OR51B5: variants seen among roughly 807,000 people sequenced by gnomAD.
OR51B5 encodes the protein olfactory receptor family 51 subfamily B member 5, also known as olfactory receptor 51B5.
For missense variants in OR51B5, 456 were observed against 374.6 expected (o/e 1.22, Z -1.79); for synonymous variants, 186 against 144.8 (o/e 1.28, Z -2.04).
At chr11:5,358,350 GAA>G (rs1849226614) in intron 1 of OR51B5, among the ~76,000 whole-genome samples, 1 of 152,128 alleles carries the variant, frequency 6.6e-6, no homozygotes, top group Non-Finnish European at 1.5e-5. Flanking sequence ...CACCATCAGA[GAA>G]TACTATAAAC....
chr11:5,387,751 C>A (rs1849721160), intron 1 of OR51B5, among the ~76,000 whole-genome samples: 1 of 150,612 alleles, frequency 6.6e-6, no homozygotes, highest in East Asian at 1.9e-4. Context: ...CCTAAGATAG[C>A]CACACACTTG....
At chr11:5,489,458 T>C (rs7101919) in intron 1 of OR51B5, 476,763 of 1,613,794 alleles carry the variant, frequency 0.3, 75,055 homozygotes, top group Non-Finnish European at 0.33. Flanking sequence ...ATTGGCATCA[T>C]CCTGGTTTTC....
intron 1 of OR51B5, among the ~76,000 whole-genome samples, chr11:5,474,851 A>G (rs146700989): frequency 1.7e-3 from 257 of 152,294 alleles, no homozygotes; most frequent in African/African-American, 6.1e-3. Flanking sequence ...CTAAACAAAT[A>G]ATTACATGCA....
At chr11:5,497,880 A>T (rs1851671933) in intron 1 of OR51B5, among the ~76,000 whole-genome samples, 1 of 152,174 alleles carries the variant, frequency 6.6e-6, no homozygotes, top group Non-Finnish European at 1.5e-5. Context: ...CCAGGAGCAT[A>T]GGTATGACAT....
At chr11:5,349,072 C>T (rs1849036199) in intron 1 of OR51B5, among the ~76,000 whole-genome samples, 1 of 152,132 alleles carries the variant, frequency 6.6e-6, no homozygotes, top group African/African-American at 2.4e-5. Context: ...ATTAGTTTCT[C>T]ATTAATAAAA....
intron 1 of OR51B5, among the ~76,000 whole-genome samples, chr11:5,424,352 ACAAAAAAC>A (rs990766476): frequency 1.6e-4 from 24 of 151,426 alleles, no homozygotes; most frequent in African/African-American, 5.3e-4. Flanking sequence ...AAACAAACAA[ACAAAAAAC>A]AAACAAACAA....
exon 1 of OR51B5, chr11:5,343,117 A>G: frequency 6.2e-7 from 1 of 1,613,478 alleles, no homozygotes; most frequent in Non-Finnish European, 8.5e-7. Context: ...CTACTCGAGT[A>G]TTAGTAAGTA....
At chr11:5,441,165 A>G (rs1256943929) in intron 1 of OR51B5, 20 of 1,613,942 alleles carry the variant, frequency 1.2e-5, no homozygotes, top group East Asian at 4.5e-5. Context: ...CATGGCCAGC[A>G]GTATGCCTGA....
chr11:5,376,331 A>C (rs376543218), intron 1 of OR51B5, among the ~76,000 whole-genome samples: 1 of 152,234 alleles, frequency 6.6e-6, no homozygotes, highest in East Asian at 1.9e-4. Context: ...GGGGAAATTT[A>C]TAGCACTAAA....
chr11:5,365,829 G>C (rs1849356352), intron 1 of OR51B5, among the ~76,000 whole-genome samples: 1 of 152,194 alleles, frequency 6.6e-6, no homozygotes, highest in African/African-American at 2.4e-5. Flanking sequence ...CTTAGTATGT[G>C]CTGGCTTGAT....
downstream of OR51B5, among the ~76,000 whole-genome samples, chr11:5,341,708 A>AT (rs199558921): frequency 6.6e-5 from 10 of 151,262 alleles, no homozygotes; most frequent in East Asian, 3.9e-4. Flanking sequence ...GCAGAAACCT[A>AT]TTTTTTTTTG....
chr11:5,457,502 T>G (rs1408580711), intron 1 of OR51B5, among the ~76,000 whole-genome samples: 1 of 152,238 alleles, frequency 6.6e-6, no homozygotes, highest in South Asian at 2.1e-4. Flanking sequence ...AATAGGATTT[T>G]GGGGTCAATG....
At chr11:5,353,460 A>C (rs906601074) in intron 1 of OR51B5, among the ~76,000 whole-genome samples, 6 of 142,974 alleles carry the variant, frequency 4.2e-5, no homozygotes, top group Non-Finnish European at 9.3e-5. Context: ...AAAAACAAAC[A>C]GTTGGTCATA....
intron 1 of OR51B5, among the ~76,000 whole-genome samples, chr11:5,386,708 G>A (rs537640012): frequency 1.5e-4 from 23 of 152,058 alleles, no homozygotes; most frequent in Admixed American, 2.6e-4. Context: ...GACAGGTCAG[G>A]CAAGCAGGTG....
intron 1 of OR51B5, among the ~76,000 whole-genome samples, chr11:5,385,894 GTTAT>G (rs1468357737): frequency 6.1e-5 from 9 of 148,752 alleles, no homozygotes; most frequent in African/African-American, 1.7e-4. Flanking sequence ...ACACTTATAT[GTTAT>G]TTAAACTTAT....
intron 1 of OR51B5, among the ~76,000 whole-genome samples, chr11:5,358,884 G>A (rs953045765): frequency 6.6e-6 from 1 of 151,898 alleles, no homozygotes; most frequent in Non-Finnish European, 1.5e-5. Context: ...CAGAACCAAA[G>A]ACAAAAACCA....
chr11:5,345,858 T>TTTTGGCTTGATGTCAAGTAATAAAAAA (rs140761870), upstream of OR51B5: 4 of 151,914 alleles, frequency 2.6e-5, no homozygotes, highest in Admixed American at 2.0e-4. Flanking sequence ...AACTCAGCAC[T>TTTTGGCTTGATGTCAAGTAATAAAAAA]TTGAAAGAAT....
chr11:5,417,704 C>G (rs1267082177), intron 1 of OR51B5, among the ~76,000 whole-genome samples: 1 of 151,514 alleles, frequency 6.6e-6, no homozygotes, highest in Non-Finnish European at 1.5e-5. Flanking sequence ...CAGAGGAATG[C>G]AAATCAAAAC....
intron 1 of OR51B5, among the ~76,000 whole-genome samples, chr11:5,417,060 G>A (rs1021045179): frequency 1.3e-5 from 2 of 150,718 alleles, no homozygotes; most frequent in African/African-American, 4.9e-5. Context: ...AAACAGCATG[G>A]TACTGGTACC....
Sources: gnomAD v4.1 joint callset for allele counts (sites outside exome capture counted in the v4.1 genomes callset) on GRCh38, gnomAD v4.1.1 for gene constraint, MANE v1.5 for transcripts, NCBI Gene and HGNC (gene_info 2026-07-23, HGNC 2026-07-21) for gene names.